CALD1: variants seen among roughly 807,000 people sequenced by gnomAD.
The protein encoded by CALD1 is caldesmon.
CALD1 carries 33 observed loss-of-function variants against 99.9 expected under a neutral mutation model. The observed-to-expected ratio is 0.33, with a 90% CI of 0.25 to 0.44. CALD1 has a LOEUF of 0.44. CALD1 is among the 20% of genes least tolerant of loss of function. The pLI is 1.00. For synonymous variants in CALD1, 310 were observed against 325.0 expected, an observed-to-expected ratio of 0.95 and a Z score of 0.50; for missense variants, 861 against 962.1, an observed-to-expected ratio of 0.89 and a Z score of 1.39.
intron 1 of CALD1, among the ~76,000 whole-genome samples, chr7:134,796,622 G>GT (rs762079005): frequency 1.4e-4 from 22 of 151,966 alleles, no homozygotes; most frequent in Admixed American, 4.6e-4. Context: ...GTCTCACTCT[G>GT]TTGCCCAGGC....
intron 3 of CALD1, among the ~76,000 whole-genome samples, chr7:134,915,655 T>A (rs1040338216): frequency 6.6e-6 from 1 of 152,242 alleles, no homozygotes; most frequent in Admixed American, 6.5e-5. Flanking sequence ...TCCCTGAGTC[T>A]TAAGCTGTTG....
chr7:134,738,517 G>C, the CALD1 span, among the ~76,000 whole-genome samples: 1 of 152,098 alleles, frequency 6.6e-6, no homozygotes, highest in Non-Finnish European at 1.5e-5. Flanking sequence ...TAAATTCCCT[G>C]TCCTTGCATT....
chr7:134,925,910 T>C (rs1225428542), intron 3 of CALD1, among the ~76,000 whole-genome samples: 6 of 152,204 alleles, frequency 3.9e-5, no homozygotes, highest in Admixed American at 6.5e-5. Flanking sequence ...TGAGACTTCC[T>C]GTTTGATTAG....
rs1434463747 is a variant in CALD1 at position 134,904,512 on chromosome 7, CGTT to C, written c.72-24238_72-24236del. Among the ~76,000 whole-genome samples the C allele has an allele frequency of 3.3e-5, 5 of 151,882 alleles. No individual in the cohort carries two copies. The East Asian group carries it at 9.7e-4, about 29-fold the overall frequency. ...GGGAGGATTGCTTGAGCTGGGAGGT[CGTT>C]GTTCTCACCACTGCACTCTGGCCTG... On this transcript the variant is annotated intron_variant, in intron 3 of 14. Transcript: ENST00000361675.
rs1808925148 is a variant in CALD1, at chr7:134,969,845, T to C, written c.*1500T>C. On this transcript the variant is annotated 3_prime_UTR_variant, in exon 15 of 15. Transcript: ENST00000361675. The stretch of plus-strand genomic sequence containing the variant: ...CCTCCAGTGTCTTGGCAAAATGTTC[T>C]AGTATAGCTGGATACATACAGTGGA... The C allele has an allele frequency of 6.6e-6, 1 of 152,660 alleles. No individual in the cohort carries two copies. Among genetic ancestry groups the C allele is most frequent in the South Asian group, 2.1e-4 (1 of 4,832 alleles). 9.5% of individuals were successfully genotyped at this position (152,660 alleles called of 1,614,324 possible). A position where few individuals can be genotyped will look rare whatever the true frequency, so the allele number is the denominator to read the frequency against.
the CALD1 span, among the ~76,000 whole-genome samples, chr7:134,726,449 A>C: frequency 7.0e-6 from 1 of 143,580 alleles, no homozygotes; most frequent in Admixed American, 7.1e-5. Context: ...CTTTATATAT[A>C]TAATATATAT....
chr7:134,736,181 A>G, the CALD1 span, among the ~76,000 whole-genome samples: 1 of 152,194 alleles, frequency 6.6e-6, no homozygotes, highest in Non-Finnish European at 1.5e-5. Flanking sequence ...TTCTGCTTCA[A>G]AACTATCACC....
chr7:134,716,354 AGT>A, the CALD1 span, among the ~76,000 whole-genome samples: 1 of 152,216 alleles, frequency 6.6e-6, no homozygotes, highest in Non-Finnish European at 1.5e-5. Context: ...ATTATCACCC[AGT>A]GTGTTTAATG....
At chr7:134,905,922 CTTT>C (rs5887716) in intron 3 of CALD1, among the ~76,000 whole-genome samples, 1,961 of 94,718 alleles carry the variant, frequency 0.021, 26 homozygotes, top group African/African-American at 0.076. Context: ...CTCTCTATAT[CTTT>C]TTTTTTTTTT....
chr7:134,749,565 A>G (rs1403205563), intron 1 of CALD1, among the ~76,000 whole-genome samples: 1 of 152,182 alleles, frequency 6.6e-6, no homozygotes, highest in African/African-American at 2.4e-5. Context: ...GTGAGCTAAG[A>G]TCGCGCCATT....
At chr7:134,850,946 A>T (rs4728340) in intron 2 of CALD1, among the ~76,000 whole-genome samples, 125,111 of 152,150 alleles carry the variant, frequency 0.82, 51,712 homozygotes, top group East Asian at 0.99. Context: ...TGCTCTCTCT[A>T]GCCTGCTGCC....
At chr7:134,837,115 T>TAGG (rs1554439598) in intron 1 of CALD1, among the ~76,000 whole-genome samples, 9 of 151,898 alleles carry the variant, frequency 5.9e-5, no homozygotes, top group African/African-American at 2.2e-4. Flanking sequence ...CATAAAATTT[T>TAGG]AAGAACTCAG....
intron 1 of CALD1, among the ~76,000 whole-genome samples, chr7:134,807,157 C>T (rs1036308603): frequency 3.9e-5 from 6 of 152,094 alleles, no homozygotes; most frequent in Middle Eastern, 3.2e-3. Context: ...CATGCTCAAC[C>T]TTTTAAATAG....
rs1466070592 is a variant in CALD1, at chr7:134,935,611, C to T, written c.1309-77C>T. 12 of 1,526,242 alleles carry T rather than the reference C, an allele frequency of 7.9e-6. No homozygotes were observed. The Admixed American group carries it at 1.4e-4, about 18-fold the overall frequency. 94.5% of individuals were successfully genotyped at this position (1,526,242 alleles called of 1,614,324 possible). ...CCCACGCAGCACTTGCAAGGCGATC[C>T]GAGCACCCTGTCACTCTTGTAAACT... On this transcript the variant is annotated intron_variant, in intron 5 of 14. Transcript: ENST00000361675.
At chr7:134,798,935 GT>G (rs1797846871) in intron 1 of CALD1, among the ~76,000 whole-genome samples, 2 of 152,114 alleles carry the variant, frequency 1.3e-5, no homozygotes. Context: ...GCTTTATAAC[GT>G]TCCCTCAGAA....
intron 1 of CALD1, chr7:134,745,567 C>A (rs1796628661): frequency 6.6e-6 from 1 of 152,096 alleles, no homozygotes; most frequent in Non-Finnish European, 1.5e-5. Flanking sequence ...TTAAGCTGAA[C>A]AAAAGGTAAC....
chr7:134,898,526 G>A (rs1449131721), intron 3 of CALD1, among the ~76,000 whole-genome samples: 1 of 151,688 alleles, frequency 6.6e-6, no homozygotes, highest in Admixed American at 6.6e-5. Flanking sequence ...ACTCAGCCAA[G>A]TTATCCTGGT....
At chr7:134,787,679 G>A (rs977291614) in intron 1 of CALD1, among the ~76,000 whole-genome samples, 1 of 152,144 alleles carries the variant, frequency 6.6e-6, no homozygotes, top group Non-Finnish European at 1.5e-5. Context: ...TTTGCAGAAG[G>A]ACAGAAAATT....
At chr7:134,741,587 T>C (rs1455231546), upstream of CALD1, among the ~76,000 whole-genome samples, 1 of 152,038 alleles carries the variant, frequency 6.6e-6, no homozygotes, top group Non-Finnish European at 1.5e-5. Context: ...AAAGGCAGAG[T>C]TACTCCCTGT....
Sources: allele counts gnomAD v4.1 joint callset (sites outside exome capture counted in the v4.1 genomes callset), GRCh38; gene constraint gnomAD v4.1.1; transcripts MANE v1.5; gene names NCBI Gene and HGNC (gene_info 2026-07-23, HGNC 2026-07-21).